Variants in RUVBL1 observed in about 807,000 individuals in gnomAD.
The protein encoded by RUVBL1 is ruvB-like 1.
In RUVBL1, 4 loss-of-function variants were observed where a neutral mutation model predicts 52.4. The ratio of observed to expected loss-of-function variants is 0.08; its 90% CI spans 0.04 to 0.17. RUVBL1 has a LOEUF of 0.17. RUVBL1 is among the 10% of genes least tolerant of loss of function. RUVBL1 has a pLI of 1.00. For missense variants in RUVBL1, 298 were observed against 572.8 expected (o/e 0.52, Z 4.90); for synonymous variants, 217 against 214.4 (o/e 1.01, Z -0.10).
At chr3:128,130,011 G>A (rs994416041) in intron 1 of RUVBL1, among the ~76,000 whole-genome samples, 4 of 152,046 alleles carry the variant, frequency 2.6e-5, no homozygotes, top group African/African-American at 7.2e-5. Flanking sequence ...AAATGGTATC[G>A]TTTATGCTAC....
At chr3:128,108,995 A>T (rs1278451172) in intron 3 of RUVBL1, among the ~76,000 whole-genome samples, 1 of 152,202 alleles carries the variant, frequency 6.6e-6, no homozygotes, top group Non-Finnish European at 1.5e-5. Context: ...AACTTTAAAA[A>T]GGGCAAAATT....
At chr3:128,141,566 G>A (rs530710782) in intron 1 of RUVBL1, among the ~76,000 whole-genome samples, 3 of 152,098 alleles carry the variant, frequency 2.0e-5, no homozygotes, top group East Asian at 1.9e-4. Flanking sequence ...GCACAATCTC[G>A]GCTCACGGCA....
intron 8 of RUVBL1, among the ~76,000 whole-genome samples, chr3:128,090,591 A>C (rs1942810056): frequency 6.6e-6 from 1 of 152,252 alleles, no homozygotes; most frequent in Non-Finnish European, 1.5e-5. Context: ...TATTAAGTTA[A>C]CTTTAGAGAA....
chr3:128,125,559 T>C (rs1181934591), upstream of RUVBL1, among the ~76,000 whole-genome samples: 1 of 152,198 alleles, frequency 6.6e-6, no homozygotes, highest in Non-Finnish European at 1.5e-5. Context: ...TGAATTCAAT[T>C]AAGGTTCTAG....
chr3:128,079,716 G>A (rs778595268), downstream of RUVBL1, among the ~76,000 whole-genome samples: 9 of 152,156 alleles, frequency 5.9e-5, no homozygotes, highest in South Asian at 4.1e-4. Context: ...CAGCAGGGAC[G>A]GCTGGGGCCT....
At chr3:128,153,873 A>G in exon 1 of RUVBL1, 1 of 1,449,354 alleles carries the variant, frequency 6.9e-7, no homozygotes, top group Non-Finnish European at 9.0e-7. Context: ...GGGCGGAGCG[A>G]CCGGGCCCCG....
At chr3:128,136,878 T>C (rs950394457) in intron 1 of RUVBL1, among the ~76,000 whole-genome samples, 5 of 152,176 alleles carry the variant, frequency 3.3e-5, no homozygotes, top group Admixed American at 6.5e-5. Context: ...TAAATATATA[T>C]GCATCCAACA....
exon 1 of RUVBL1, chr3:128,153,830 G>A: frequency 6.7e-7 from 1 of 1,498,920 alleles, no homozygotes; most frequent in Non-Finnish European, 8.8e-7. Flanking sequence ...GGCGGTGAGC[G>A]CGGGCCGGGG....
At chr3:128,068,139 C>A in intron 9 of RUVBL1, 1 of 1,029,318 alleles carries the variant, frequency 9.7e-7, no homozygotes, top group East Asian at 2.4e-5. Context: ...CCTGATAGGC[C>A]CTAGCACTTA....
At chr3:128,138,347 A>T (rs1261856319) in intron 1 of RUVBL1, among the ~76,000 whole-genome samples, 2 of 152,162 alleles carry the variant, frequency 1.3e-5, no homozygotes, top group Admixed American at 6.5e-5. Context: ...TAAAAGTGAT[A>T]AACAAATTCA....
At chr3:128,108,688 C>T (rs1310511625) in intron 3 of RUVBL1, among the ~76,000 whole-genome samples, 30 of 147,308 alleles carry the variant, frequency 2.0e-4, no homozygotes, top group Non-Finnish European at 3.0e-5. Context: ...AGTGTGACAC[C>T]TTGTCTCAAT....
intron 3 of RUVBL1, among the ~76,000 whole-genome samples, chr3:128,108,071 AACG>A (rs1943290233): frequency 6.6e-6 from 1 of 152,224 alleles, no homozygotes; most frequent in Non-Finnish European, 1.5e-5. Flanking sequence ...TATCTCTGGC[AACG>A]ACAACACAAA....
At chr3:128,150,954 A>C (rs1260110921) in intron 1 of RUVBL1, among the ~76,000 whole-genome samples, 2 of 92,528 alleles carry the variant, frequency 2.2e-5, no homozygotes, top group Non-Finnish European at 3.8e-5. Context: ...TATATATATT[A>C]TATATTCTAT....
chr3:128,106,046 T>G (rs942035063), intron 3 of RUVBL1, among the ~76,000 whole-genome samples: 7 of 151,704 alleles, frequency 4.6e-5, no homozygotes, highest in African/African-American at 7.3e-5. Flanking sequence ...ATTTTTGGGG[T>G]TTTTTTGTAC....
chr3:128,117,416 T>C (rs1298119974), intron 2 of RUVBL1, among the ~76,000 whole-genome samples: 2 of 152,138 alleles, frequency 1.3e-5, no homozygotes, highest in Admixed American at 6.5e-5. Context: ...CTCCACCCAC[T>C]AGATGCCAGT....
chr3:128,084,078 CA>C (rs1559807013), intron 9 of RUVBL1: 1 of 152,940 alleles, frequency 6.5e-6, no homozygotes, highest in Non-Finnish European at 1.5e-5. Flanking sequence ...AACTCCATCT[CA>C]AAAAAAGAAA....
chr3:128,072,507 C>T (rs975629821), intron 9 of RUVBL1, among the ~76,000 whole-genome samples: 6 of 152,198 alleles, frequency 3.9e-5, no homozygotes, highest in African/African-American at 1.2e-4. Flanking sequence ...CAGGTGTGGG[C>T]CTGGCCTTGC....
intron 2 of RUVBL1, among the ~76,000 whole-genome samples, chr3:128,115,349 T>C (rs972215567): frequency 2.0e-5 from 3 of 152,228 alleles, no homozygotes; most frequent in Non-Finnish European, 4.4e-5. Context: ...ATCTCTATTT[T>C]TCAATCTCAT....
downstream of RUVBL1, among the ~76,000 whole-genome samples, chr3:128,077,157 C>T (rs1307362775): frequency 6.6e-6 from 1 of 152,024 alleles, no homozygotes; most frequent in African/African-American, 2.4e-5. Flanking sequence ...GATGGCCGCC[C>T]AGCCCGCACG....
Sources: allele counts gnomAD v4.1 joint callset (sites outside exome capture counted in the v4.1 genomes callset), GRCh38; gene constraint gnomAD v4.1.1; transcripts MANE v1.5; gene names NCBI Gene and HGNC (gene_info 2026-07-23, HGNC 2026-07-21).